Variants in TMEM117 observed in about 807,000 individuals in gnomAD.
TMEM117 encodes transmembrane protein 117.
In TMEM117, 27 loss-of-function variants were observed where a neutral mutation model predicts 52.4. The observed-to-expected ratio is 0.51, with a 90% CI of 0.38 to 0.71. The LOEUF (loss-of-function observed/expected upper bound fraction) is 0.71, where lower values mean the gene tolerates loss of function less well. Among genes scored for constraint, TMEM117 ranks in the 30% least tolerant of loss-of-function variants. The pLI is 0.00. For missense variants in TMEM117, 556 were observed against 630.5 expected, an observed-to-expected ratio of 0.88 and a Z score of 1.26; for synonymous variants, 215 against 206.3, an observed-to-expected ratio of 1.04 and a Z score of -0.36.
chr12:44,003,696 A>G (rs567789729), intron 3 of TMEM117, among the ~76,000 whole-genome samples: 12 of 152,276 alleles, frequency 7.9e-5, no homozygotes, highest in African/African-American at 2.9e-4. Flanking sequence ...GTCCTCAGAA[A>G]GGCAATGGAG....
chr12:43,867,911 A>G (rs910728410), intron 2 of TMEM117, among the ~76,000 whole-genome samples: 3 of 152,316 alleles, frequency 2.0e-5, no homozygotes, highest in Admixed American at 6.5e-5. Flanking sequence ...TCTAGCACAA[A>G]CACCTTGAGA....
Position 44,389,216 on chromosome 12 carries a change from T to G in TMEM117, c.*544T>G, listed in dbSNP as rs539983666. 2.6e-5 allele frequency: 4 copies of G among 154,792 alleles called. No individual in the cohort carries two copies. The highest frequency in any genetic ancestry group is 9.6e-5 in the African/African-American group (4 of 41,580). 9.6% of individuals were successfully genotyped at this position (154,792 alleles called of 1,614,324 possible). ...GAAACATGGTGATCACCTTTTAATT[T>G]TTATTGGCTGTCTGCCAAATATAAA... On this transcript the variant is annotated 3_prime_UTR_variant, in exon 8 of 8. Transcript: ENST00000266534.
chr12:44,035,804 G>A (rs1946701392), intron 3 of TMEM117, among the ~76,000 whole-genome samples: 1 of 152,134 alleles, frequency 6.6e-6, no homozygotes, highest in Non-Finnish European at 1.5e-5. Context: ...GTTACACCAG[G>A]GAGAGAATGG....
intron 6 of TMEM117, among the ~76,000 whole-genome samples, chr12:44,304,683 G>A (rs2138654350): frequency 6.6e-6 from 1 of 152,252 alleles, no homozygotes; most frequent in East Asian, 1.9e-4. Flanking sequence ...CCTATTTCAG[G>A]TTCTACCTCT....
At chr12:43,883,546 A>C (rs1030581364) in intron 2 of TMEM117, among the ~76,000 whole-genome samples, 1 of 152,210 alleles carries the variant, frequency 6.6e-6, no homozygotes, top group African/African-American at 2.4e-5. Context: ...TTCCAAAACC[A>C]CTTATTGCCT....
At chr12:43,891,591 C>T (rs562754983) in intron 2 of TMEM117, among the ~76,000 whole-genome samples, 3 of 151,856 alleles carry the variant, frequency 2.0e-5, no homozygotes, top group Non-Finnish European at 4.4e-5. Flanking sequence ...TGGTCTCGAT[C>T]CCCTGACCTC....
At chr12:44,243,977 A>C (rs1214079312) in intron 5 of TMEM117, among the ~76,000 whole-genome samples, 1 of 152,040 alleles carries the variant, frequency 6.6e-6, no homozygotes, top group Non-Finnish European at 1.5e-5. Flanking sequence ...TTTAAGGCTG[A>C]ATAGTATTCT....
chr12:44,121,859 C>T (rs1015294786), intron 3 of TMEM117, among the ~76,000 whole-genome samples: 1 of 151,970 alleles, frequency 6.6e-6, no homozygotes, highest in African/African-American at 2.4e-5. Context: ...CTCCTCCTAC[C>T]CTTACCTCAA....
intron 3 of TMEM117, among the ~76,000 whole-genome samples, chr12:44,046,253 C>G (rs1266265832): frequency 1.3e-5 from 2 of 152,150 alleles, no homozygotes; most frequent in Non-Finnish European, 2.9e-5. Context: ...GACACAACAA[C>G]AATTCCATTA....
At chr12:44,013,807 T>TTGCC (rs1265946484) in intron 3 of TMEM117, among the ~76,000 whole-genome samples, 1 of 152,178 alleles carries the variant, frequency 6.6e-6, no homozygotes, top group Non-Finnish European at 1.5e-5. Flanking sequence ...TTCTCTGTAT[T>TTGCC]TGCCTGTCTG....
rs575901037 is a variant in TMEM117, at chr12:43,897,559, C to T, written c.278-46651C>T. 1.6e-4 allele frequency among the ~76,000 whole-genome samples: 24 copies of T among 152,062 alleles called. No homozygotes were observed. In the South Asian group the frequency reaches 1.7e-3, roughly 11 times the overall value. ...CCATCTCTTGAACTCGTGATCCGCC[C>T]GCCTCAGCCTCCCAAAGTGTTGGAA... On this transcript the variant is annotated intron_variant, in intron 2 of 7. Transcript: ENST00000266534.
chr12:44,149,679 G>A (rs1379544795), intron 4 of TMEM117, among the ~76,000 whole-genome samples: 1 of 152,284 alleles, frequency 6.6e-6, no homozygotes, highest in Non-Finnish European at 1.5e-5. Context: ...AACACTAAGT[G>A]TGTGAATGAA....
At chr12:44,016,460 C>T (rs1946375293) in intron 3 of TMEM117, among the ~76,000 whole-genome samples, 1 of 152,110 alleles carries the variant, frequency 6.6e-6, no homozygotes, top group Non-Finnish European at 1.5e-5. Flanking sequence ...GGAATGGTTC[C>T]CCTTTCCTCT....
At chr12:44,033,143 T>A (rs1227144688) in intron 3 of TMEM117, among the ~76,000 whole-genome samples, 2 of 152,124 alleles carry the variant, frequency 1.3e-5, no homozygotes, top group East Asian at 3.9e-4. Flanking sequence ...GACCCTCTGG[T>A]TGTCCTCACT....
At chr12:44,303,591 C>T (rs1033232943) in intron 6 of TMEM117, among the ~76,000 whole-genome samples, 5 of 152,096 alleles carry the variant, frequency 3.3e-5, no homozygotes, top group Non-Finnish European at 5.9e-5. Flanking sequence ...CAAAGTGTAA[C>T]GTGACTCACA....
chr12:44,122,508 T>G (rs1426539543), intron 3 of TMEM117, among the ~76,000 whole-genome samples: 2 of 152,132 alleles, frequency 1.3e-5, no homozygotes, highest in Admixed American at 6.5e-5. Context: ...ATCCCATCAC[T>G]CAGATATTAG....
At chr12:44,294,310 C>T (rs1042980973) in intron 5 of TMEM117, among the ~76,000 whole-genome samples, 1 of 152,140 alleles carries the variant, frequency 6.6e-6, no homozygotes, top group Non-Finnish European at 1.5e-5. Flanking sequence ...CTAAGATTCC[C>T]AGTGGATGCC....
intron 3 of TMEM117, among the ~76,000 whole-genome samples, chr12:44,135,643 GGAA>G (rs777986444): frequency 2.8e-4 from 42 of 151,928 alleles, no homozygotes; most frequent in Non-Finnish European, 5.0e-4. Context: ...AAGAAGAAAG[GGAA>G]GAAGAAGGAG....
At position 44,211,396 on chromosome 12, in the gene TMEM117, T is replaced by C. The variant is rs771414082; in HGVS notation, c.608+9T>C. Reference sequence around the variant, plus strand: ...AGGATCACTTTATTCTGGTAGGAAATTGTTTCACTTATTTATTTCTGCCTT... The same window carrying C: ...AGGATCACTTTATTCTGGTAGGAAACTGTTTCACTTATTTATTTCTGCCTT... On this transcript the variant is annotated intron_variant, in intron 5 of 7. Transcript: ENST00000266534. 1 of 1,577,678 alleles carries C rather than the reference T, an allele frequency of 6.3e-7. No individual in the cohort carries two copies. The highest frequency in any genetic ancestry group is 8.7e-7 in the Non-Finnish European group (1 of 1,153,902).
Sources: gnomAD v4.1 joint callset for allele counts (sites outside exome capture counted in the v4.1 genomes callset) on GRCh38, gnomAD v4.1.1 for gene constraint, MANE v1.5 for transcripts, NCBI Gene and HGNC (gene_info 2026-07-23, HGNC 2026-07-21) for gene names.